FGD6: variants seen among roughly 807,000 people sequenced by gnomAD.
FGD6 encodes the protein FYVE, RhoGEF and PH domain containing 6.
Under a neutral mutation model 149.4 loss-of-function variants are expected in FGD6, and 90 were observed. That is an observed-to-expected ratio of 0.60 (90% CI 0.51 to 0.72). The LOEUF (loss-of-function observed/expected upper bound fraction) is 0.72, where lower values mean the gene tolerates loss of function less well. Among genes scored for constraint, FGD6 ranks in the 30% least tolerant of loss-of-function variants. The probability of loss-of-function intolerance (pLI) is 0.00; values close to 1 mark genes in which losing one functional copy is unlikely to be tolerated. For missense variants in FGD6, 1,437 were observed against 1,684.8 expected, an observed-to-expected ratio of 0.85 and a Z score of 2.57; for synonymous variants, 527 against 584.0, an observed-to-expected ratio of 0.90 and a Z score of 1.41.
At chr12:95,123,784 G>A (rs906164566) in intron 8 of FGD6, among the ~76,000 whole-genome samples, 3 of 152,002 alleles carry the variant, frequency 2.0e-5, no homozygotes, top group East Asian at 1.9e-4. Flanking sequence ...GGACGGTCTC[G>A]ATCTCCTGAC....
At chr12:95,161,030 A>G (rs1370566549) in intron 3 of FGD6, among the ~76,000 whole-genome samples, 2 of 151,150 alleles carry the variant, frequency 1.3e-5, no homozygotes, top group Non-Finnish European at 2.9e-5. Flanking sequence ...AAATACAAAA[A>G]TTAGCTGGGC....
chr12:95,108,711 G>C, intron 9 of FGD6, 150 bp from the exon 10 acceptor site: 1 of 891,252 alleles, frequency 1.1e-6, no homozygotes, highest in Non-Finnish European at 1.7e-6. Flanking sequence ...AGAAATATAA[G>C]GTTCAATGAA....
At chr12:95,161,370 C>G (rs1317606981) in intron 3 of FGD6, among the ~76,000 whole-genome samples, 1 of 152,022 alleles carries the variant, frequency 6.6e-6, no homozygotes, top group Non-Finnish European at 1.5e-5. Flanking sequence ...GTGGCAAGTG[C>G]CTGTAATCCC....
chr12:95,157,395 C>A (rs544874202), intron 3 of FGD6, among the ~76,000 whole-genome samples: 93 of 151,966 alleles, frequency 6.1e-4, no homozygotes, highest in African/African-American at 2.1e-3. Context: ...GGTGAAACCC[C>A]GTCTCTACTA....
intron 2 of FGD6, among the ~76,000 whole-genome samples, chr12:95,181,094 C>A (rs1881270646): frequency 6.6e-6 from 1 of 152,036 alleles, no homozygotes; most frequent in Non-Finnish European, 1.5e-5. Context: ...TTTGGGAGAA[C>A]CTTAAGTCTA....
At chr12:95,166,201 A>G (rs913404933) in intron 3 of FGD6, among the ~76,000 whole-genome samples, 1 of 152,106 alleles carries the variant, frequency 6.6e-6, no homozygotes, top group Non-Finnish European at 1.5e-5. Context: ...GGCATGAGCC[A>G]CCATACCCAG....
intron 3 of FGD6, among the ~76,000 whole-genome samples, chr12:95,165,007 A>G (rs1319327963): frequency 6.6e-6 from 1 of 152,222 alleles, no homozygotes; most frequent in Non-Finnish European, 1.5e-5. Context: ...AAGACGATGA[A>G]TATTCTAACC....
At position 95,113,701 on chromosome 12, in the gene FGD6, T is replaced by G. The variant is rs1878911009; in HGVS notation, c.3083A>C (p.Asp1028Ala). 1 of 1,579,174 alleles carries G rather than the reference T, an allele frequency of 6.3e-7. No homozygotes were observed. Among genetic ancestry groups the G allele is most frequent in the South Asian group, 1.1e-5 (1 of 87,110 alleles). Residue 1028 changes from aspartate (D) to alanine (A), a missense_variant and splice_region_variant, in exon 9 of 21, where the codon GAT becomes GCT. By Grantham distance (126) the Asp-to-Ala change is moderately radical. Coordinates refer to ENST00000343958, the MANE Select transcript of FGD6 (RefSeq NM_018351.4). ...ATCTTCTATGAGATTCTTCAAATAA[T>G]CTAGAAAAGAAGAAAAAAAAGTATT... Reference protein sequence around the residue: ...RIPQYRLLLTDYLKNLIEDAG... With the variant: ...RIPQYRLLLTAYLKNLIEDAG...
At chr12:95,139,926 C>G (rs1339155466) in intron 6 of FGD6, among the ~76,000 whole-genome samples, 1 of 152,092 alleles carries the variant, frequency 6.6e-6, no homozygotes, top group Non-Finnish European at 1.5e-5. Flanking sequence ...CATGAGCCAC[C>G]GTGCTCGGCC....
Position 95,127,283 on chromosome 12 carries a change from C to T in FGD6, c.3082+7456G>A, listed in dbSNP as rs113076098. On this transcript the variant is annotated intron_variant, in intron 8 of 20. Transcript: ENST00000343958. ...ATTAGCGGCTGGGCGTGGTGGCTCA[C>T]GCCTGTAATCCCAGCAGTTAGGGAG... Among the ~76,000 whole-genome samples the T allele has an allele frequency of 2.0e-3, 306 of 152,202 alleles. 1 individual carries two copies. The highest frequency in any genetic ancestry group is 6.5e-3 in the African/African-American group (269 of 41,540).
chr12:95,121,104 T>C (rs904210931), intron 8 of FGD6, among the ~76,000 whole-genome samples: 1 of 152,040 alleles, frequency 6.6e-6, no homozygotes, highest in Non-Finnish European at 1.5e-5. Flanking sequence ...CAAATGTGCC[T>C]CAAAAAATAA....
intron 3 of FGD6, among the ~76,000 whole-genome samples, chr12:95,157,036 T>C (rs931701474): frequency 7.2e-5 from 11 of 152,146 alleles, no homozygotes; most frequent in Non-Finnish European, 1.6e-4. Context: ...CTGCTAAACC[T>C]AATACCCACA....
chr12:95,129,287 CCA>C, intron 8 of FGD6, among the ~76,000 whole-genome samples: 1 of 106,276 alleles, frequency 9.4e-6, no homozygotes, highest in African/African-American at 3.4e-5. Flanking sequence ...ATCTATGCAT[CCA>C]TGCATCCATG....
intron 2 of FGD6, among the ~76,000 whole-genome samples, chr12:95,180,803 T>A (rs929706429): frequency 1.3e-5 from 2 of 152,100 alleles, no homozygotes; most frequent in Non-Finnish European, 2.9e-5. Flanking sequence ...AAAAGCTTCA[T>A]AAAAGGTGGT....
chr12:95,081,668 G>GATATATATATATATATATATATAT (rs76750575), intron 20 of FGD6, 112 bp from the exon 21 acceptor site: 1 of 342,342 alleles, frequency 2.9e-6, no homozygotes, highest in African/African-American at 2.2e-5. Context: ...ACATAGGTAA[G>GATATATATATATATATATATATAT]ATATATATAT....
At chr12:95,116,891 G>A (rs889080491) in intron 8 of FGD6, 1 of 455,776 alleles carries the variant, frequency 2.2e-6, no homozygotes, top group African/African-American at 2.0e-5. Flanking sequence ...AATCACCTGG[G>A]GCCTTAACTG....
chr12:95,136,219 A>C (rs1879662181), intron 7 of FGD6, among the ~76,000 whole-genome samples: 2 of 152,014 alleles, frequency 1.3e-5, no homozygotes, highest in Admixed American at 1.3e-4. Context: ...TCAGCTGGGC[A>C]TGGTGGCACA....
chr12:95,152,809 A>G lies in FGD6; in HGVS notation c.2685+2T>C. On this transcript the variant is annotated splice_donor_variant, in intron 5 of 20. Coordinates refer to ENST00000343958, the MANE Select transcript of FGD6 (RefSeq NM_018351.4). LOFTEE classifies it high-confidence loss of function. ...TTCAAGAAAATATTAGCAGATACTT[A>G]CAATATGCAAAAGTTTTAACACATC... The G allele has an allele frequency of 6.2e-7, 1 of 1,612,020 alleles. No individual in the cohort carries two copies.
At chr12:95,196,922 A>C (rs1881749242) in intron 2 of FGD6, among the ~76,000 whole-genome samples, 2 of 152,166 alleles carry the variant, frequency 1.3e-5, no homozygotes, top group Admixed American at 1.3e-4. Context: ...TACAGGCATA[A>C]GCCACCAGAG....
Sources: allele counts gnomAD v4.1 joint callset (sites outside exome capture counted in the v4.1 genomes callset), GRCh38; gene constraint gnomAD v4.1.1; transcripts MANE v1.5; gene names NCBI Gene and HGNC (gene_info 2026-07-23, HGNC 2026-07-21).